Variants in TOPBP1 observed in about 807,000 individuals in gnomAD.
TOPBP1 encodes the protein DNA topoisomerase 2-binding protein 1.
In TOPBP1, 28 loss-of-function variants were observed where a neutral mutation model predicts 167.7. The observed-to-expected ratio is 0.17, with a 90% CI of 0.12 to 0.23. The LOEUF is 0.23. TOPBP1 is among the 10% of genes least tolerant of loss of function. The probability of loss-of-function intolerance (pLI) is 1.00; values close to 1 mark genes in which losing one functional copy is unlikely to be tolerated. For synonymous variants in TOPBP1, 598 were observed against 611.4 expected (o/e 0.98, Z 0.32); for missense variants, 1,554 against 1,809.6 (o/e 0.86, Z 2.56).
intron 1 of TOPBP1, among the ~76,000 whole-genome samples, chr3:133,661,424 C>A (rs1936710062): frequency 6.6e-6 from 1 of 152,244 alleles, no homozygotes; most frequent in Non-Finnish European, 1.5e-5. Flanking sequence ...AATGGACATT[C>A]AATTGCACTT....
At chr3:133,623,617 C>T (rs1935171874) in intron 17 of TOPBP1, among the ~76,000 whole-genome samples, 160 bp from the exon 18 acceptor site, 1 of 152,126 alleles carries the variant, frequency 6.6e-6, no homozygotes, top group Non-Finnish European at 1.5e-5. Context: ...TTGCATCATA[C>T]AAATGACAGA....
At chr3:133,656,933 TAC>T in intron 4 of TOPBP1, 76 bp from the exon 5 acceptor site, 2 of 1,302,912 alleles carry the variant, frequency 1.5e-6, no homozygotes, top group Non-Finnish European at 2.0e-6. Flanking sequence ...ATCTCATAAA[TAC>T]ATTTTGCTGT....
chr3:133,609,618 T>C (rs1934607056), intron 25 of TOPBP1, among the ~76,000 whole-genome samples: 1 of 152,146 alleles, frequency 6.6e-6, no homozygotes, highest in African/African-American at 2.4e-5. Flanking sequence ...GTTCTCCTGA[T>C]AGTGAGTTCT....
chr3:133,636,709 A>G (rs966234491), intron 14 of TOPBP1, among the ~76,000 whole-genome samples: 1 of 152,166 alleles, frequency 6.6e-6, no homozygotes, highest in African/African-American at 2.4e-5. Context: ...AGAGTCTGTG[A>G]GCTATGACAC....
chr3:133,624,292 G>C lies in TOPBP1; in HGVS notation c.2805-117C>G, dbSNP rs556583313. 6.9e-6 allele frequency: 8 copies of C among 1,157,954 alleles called. No homozygotes were observed. In the South Asian group the frequency reaches 1.2e-4, roughly 17 times the overall value. 71.7% of individuals were successfully genotyped at this position (1,157,954 alleles called of 1,614,324 possible). ...ACCTTCCCAAAACTTTCGGACTAGA[G>C]TAAACAAGACCATTAAAATGACAGG... On this transcript the variant is annotated intron_variant, in intron 16 of 27. Coordinates refer to ENST00000260810, the MANE Select transcript of TOPBP1 (RefSeq NM_007027.4).
At chr3:133,620,485 T>C in intron 19 of TOPBP1, 138 bp from the exon 20 acceptor site, 1 of 836,654 alleles carries the variant, frequency 1.2e-6, no homozygotes, top group Non-Finnish European at 1.8e-6. Context: ...CAGGCTATAG[T>C]AATGTACTAA....
At chr3:133,618,717 A>T (rs982557406) in intron 20 of TOPBP1, among the ~76,000 whole-genome samples, 9 of 152,200 alleles carry the variant, frequency 5.9e-5, no homozygotes, top group African/African-American at 2.2e-4. Flanking sequence ...GTGTCAAGAA[A>T]TTTTTTAAAA....
At position 133,624,255 on chromosome 3, in the gene TOPBP1, C is replaced by T. The variant is rs1935196104; in HGVS notation, c.2805-80G>A. The T allele has an allele frequency of 2.6e-6, 4 of 1,510,752 alleles. No individual in the cohort carries two copies. In the South Asian group the frequency reaches 4.7e-5, roughly 18 times the overall value. The allele number at this position is 1,510,752 out of a possible 1,614,324, so 93.6% of individuals were successfully genotyped here. On this transcript the variant is annotated intron_variant, in intron 16 of 27. Coordinates refer to ENST00000260810, the MANE Select transcript of TOPBP1 (RefSeq NM_007027.4). ...TAAGATGATTCTTATTTACTGTGAA[C>T]AGAATATTCTGACCTTCCCAAAACT...
intron 20 of TOPBP1, among the ~76,000 whole-genome samples, chr3:133,618,674 A>T (rs1158216263): frequency 6.6e-6 from 1 of 152,178 alleles, no homozygotes; most frequent in Non-Finnish European, 1.5e-5. Context: ...CTACATGTCT[A>T]CAGAACTAAA....
At position 133,617,284 on chromosome 3, in the gene TOPBP1, T is replaced by C; in HGVS notation, c.3635A>G (p.Lys1212Arg). Residue 1212 changes from lysine (K) to arginine (R), a missense_variant, in exon 22 of 28, where the codon AAA becomes AGA. Lys to Arg is a conservative substitution (Grantham distance 26). Transcript: ENST00000260810. ...PGNIRVTEAP[K>R]HPISEELETP... is the part of the protein sequence containing the mutation. ...TTCCAGTTCTTCAGAGATTGGGTGT[T>C]TGGGAGCTTCAGTCACACGTATGTT... The C allele has an allele frequency of 6.2e-7, 1 of 1,613,464 alleles. No individual in the cohort carries two copies. Among genetic ancestry groups the C allele is most frequent in the Non-Finnish European group, 8.5e-7 (1 of 1,179,752 alleles).
intron 13 of TOPBP1, 70 bp from the exon 14 acceptor site, chr3:133,638,232 T>C: frequency 7.2e-7 from 1 of 1,393,414 alleles, no homozygotes; most frequent in Non-Finnish European, 9.9e-7. Flanking sequence ...ACACAAGAAG[T>C]AATATTTTAT....
rs185797043 is a variant in TOPBP1, at chr3:133,658,946, T to A, written c.219+70A>T. 375 of 1,472,908 alleles carry A rather than the reference T, an allele frequency of 2.5e-4. 5 individuals carry two copies. In the East Asian group the frequency reaches 9.0e-3, roughly 35 times the overall value. The allele number at this position is 1,472,908 out of a possible 1,614,324, so 91.2% of individuals were successfully genotyped here. Reference sequence around the variant, plus strand: ...ATAGTACTTTATAATCCGCAAAGAATGTATGTCCATTAAAGCAAAGATAAA... The same window carrying A: ...ATAGTACTTTATAATCCGCAAAGAAAGTATGTCCATTAAAGCAAAGATAAA... On this transcript the variant is annotated intron_variant, in intron 3 of 27. Transcript: ENST00000260810.
In TOPBP1 at chr3:133,651,139, T is replaced by TG. The variant is rs544823114; in HGVS notation, c.1090-1197_1090-1196insC. Among the ~76,000 whole-genome samples, 3 of 122,094 alleles carry TG rather than the reference T, an allele frequency of 2.5e-5. No homozygotes were observed. In the East Asian group the frequency reaches 7.1e-4, roughly 29 times the overall value. 80.1% of individuals were successfully genotyped at this position (122,094 alleles called of 152,430 possible). On this transcript the variant is annotated intron_variant, in intron 8 of 27. Coordinates refer to ENST00000260810, the MANE Select transcript of TOPBP1 (RefSeq NM_007027.4). Reference sequence around the variant, plus strand: ...CCCACCTTTTGTAAGTTGGCAAGTTTAAAAAAAAAAAAGGTAATTTGCCGA... The same window carrying TG: ...CCCACCTTTTGTAAGTTGGCAAGTTTGAAAAAAAAAAAAGGTAATTTGCCGA...
At chr3:133,613,536 G>C (rs1322696515) in intron 23 of TOPBP1, among the ~76,000 whole-genome samples, 1 of 152,170 alleles carries the variant, frequency 6.6e-6, no homozygotes, top group Non-Finnish European at 1.5e-5. Flanking sequence ...AATTTTTTAT[G>C]AGTGGAAATA....
chr3:133,639,800 A>G (rs1246947403), intron 13 of TOPBP1, among the ~76,000 whole-genome samples, 159 bp downstream of exon 13: 1 of 152,206 alleles, frequency 6.6e-6, no homozygotes, highest in Non-Finnish European at 1.5e-5. Context: ...AATAGGAGCC[A>G]AGCTTACATC....
intron 8 of TOPBP1, among the ~76,000 whole-genome samples, chr3:133,651,750 C>T (rs1936313672): frequency 6.6e-6 from 1 of 152,084 alleles, no homozygotes; most frequent in Admixed American, 6.6e-5. Flanking sequence ...AGATAACTGG[C>T]CACTTAATGT....
At chr3:133,618,681 T>C (rs951173935) in intron 20 of TOPBP1, among the ~76,000 whole-genome samples, 1 of 152,136 alleles carries the variant, frequency 6.6e-6, no homozygotes, top group Non-Finnish European at 1.5e-5. Context: ...TCTACAGAAC[T>C]AAAACTTCAA....
intron 22 of TOPBP1, 44 bp downstream of exon 22, chr3:133,617,116 A>G (rs11715435): frequency 0.18 from 276,272 of 1,549,246 alleles, 27,193 homozygotes; most frequent in Non-Finnish European, 0.21. Flanking sequence ...ACAGCCTAAC[A>G]GCAGTATGCA....
intron 14 of TOPBP1, among the ~76,000 whole-genome samples, chr3:133,637,022 AC>A (rs1443881510): frequency 1.3e-5 from 2 of 152,172 alleles, no homozygotes; most frequent in Non-Finnish European, 2.9e-5. Flanking sequence ...CTTGGGGAAA[AC>A]TGTCCTGGAT....
Sources: gnomAD v4.1 joint callset for allele counts (sites outside exome capture counted in the v4.1 genomes callset) on GRCh38, gnomAD v4.1.1 for gene constraint, MANE v1.5 for transcripts, NCBI Gene and HGNC (gene_info 2026-07-23, HGNC 2026-07-21) for gene names.